The following PPIP5K2 variants were observed in gnomAD, a reference collection of about 807,000 sequenced individuals.
PPIP5K2 encodes inositol hexakisphosphate and diphosphoinositol-pentakisphosphate kinase 2.
PPIP5K2 carries 105 observed loss-of-function variants against 154.6 expected under a neutral mutation model. That is an observed-to-expected ratio of 0.68 (90% confidence interval 0.58 to 0.80). The LOEUF (loss-of-function observed/expected upper bound fraction) is 0.80. PPIP5K2 is among the 30% of genes least tolerant of loss of function. The probability of loss-of-function intolerance (pLI) is 0.00; values close to 1 mark genes in which losing one functional copy is unlikely to be tolerated. For missense variants in PPIP5K2, 992 were observed against 1,504.6 expected, an observed-to-expected ratio of 0.66 and a Z score of 5.64; for synonymous variants, 480 against 490.3, an observed-to-expected ratio of 0.98 and a Z score of 0.28.
At chr5:103,155,803 A>G in intron 13 of PPIP5K2, 106 bp from the exon 14 acceptor site, 12 of 763,902 alleles carry the variant, frequency 1.6e-5, no homozygotes, top group Non-Finnish European at 2.6e-5. Context: ...TTTTGATAGA[A>G]TATTTCGAAG....
chr5:103,189,075 A>C, intron 28 of PPIP5K2: 1 of 921,294 alleles, frequency 1.1e-6, no homozygotes. Flanking sequence ...CATATCATGG[A>C]CTTACCCCTC....
At chr5:103,164,070 GT>G (rs1796762653) in intron 17 of PPIP5K2, among the ~76,000 whole-genome samples, 1 of 151,822 alleles carries the variant, frequency 6.6e-6, no homozygotes, top group South Asian at 2.1e-4. Flanking sequence ...TCCTGTGGGT[GT>G]TTTCTTTGTG....
At chr5:103,146,724 A>G (rs144183370) in intron 6 of PPIP5K2, 43 bp downstream of exon 6, 2 of 1,469,550 alleles carry the variant, frequency 1.4e-6, no homozygotes, top group African/African-American at 1.4e-5. Flanking sequence ...TTCTTTGTAC[A>G]TTGTCGTGTA....
intron 29 of PPIP5K2, among the ~76,000 whole-genome samples, chr5:103,193,140 A>G (rs1286827163): frequency 6.6e-6 from 1 of 152,122 alleles, no homozygotes; most frequent in Admixed American, 6.6e-5. Context: ...GAGGAAATCA[A>G]TAAATTAGTG....
At chr5:103,169,379 G>A (rs1797606218) in intron 19 of PPIP5K2, among the ~76,000 whole-genome samples, 1 of 146,246 alleles carries the variant, frequency 6.8e-6, no homozygotes, top group Non-Finnish European at 1.5e-5. Flanking sequence ...TAAAGATTAT[G>A]AAAAAAAAGT....
intron 28 of PPIP5K2, among the ~76,000 whole-genome samples, chr5:103,188,259 T>C (rs1230850915): frequency 6.6e-6 from 1 of 152,120 alleles, no homozygotes; most frequent in Non-Finnish European, 1.5e-5. Context: ...CACTTACAGA[T>C]TTTTGCTTGT....
chr5:103,165,300 C>T (rs929173961), intron 17 of PPIP5K2, among the ~76,000 whole-genome samples: 38 of 152,014 alleles, frequency 2.5e-4, no homozygotes, highest in Admixed American at 2.5e-3. Context: ...TGCCAGTCCC[C>T]CTCACAGTAA....
chr5:103,160,957 CT>C (rs1204880603), intron 17 of PPIP5K2, among the ~76,000 whole-genome samples: 1,712 of 138,582 alleles, frequency 0.012, 24 homozygotes, highest in African/African-American at 0.04. Flanking sequence ...TCTTTTCATT[CT>C]TTTTTTTTTT....
chr5:103,161,836 G>A (rs1436732636), intron 17 of PPIP5K2, among the ~76,000 whole-genome samples: 2 of 151,256 alleles, frequency 1.3e-5, no homozygotes, highest in Non-Finnish European at 3.0e-5. Context: ...TGAGTTCTTT[G>A]TAGATTCTGG....
At chr5:103,151,008 G>A (rs1234384028) in intron 8 of PPIP5K2, among the ~76,000 whole-genome samples, 1 of 151,584 alleles carries the variant, frequency 6.6e-6, no homozygotes, top group Non-Finnish European at 1.5e-5. Flanking sequence ...AGCCCCTTAT[G>A]CGTTATTGTT....
At chr5:103,198,488 A>G (rs965774549) in intron 30 of PPIP5K2, among the ~76,000 whole-genome samples, 3 of 152,172 alleles carry the variant, frequency 2.0e-5, no homozygotes, top group Non-Finnish European at 4.4e-5. Flanking sequence ...TTGTGCTATC[A>G]GTTGTACAGA....
At chr5:103,195,614 C>T (rs907507612) in intron 30 of PPIP5K2, among the ~76,000 whole-genome samples, 65 of 152,162 alleles carry the variant, frequency 4.3e-4, no homozygotes, top group Admixed American at 3.7e-3. Flanking sequence ...CTGAAATGCT[C>T]TCTTACCCTA....
At chr5:103,120,634 A>G in intron 1 of PPIP5K2, 146 bp downstream of exon 1, 1 of 378,706 alleles carries the variant, frequency 2.6e-6, no homozygotes, top group South Asian at 1.8e-5. Context: ...GGAGAGAATG[A>G]CAGCCTGGGC....
intron 3 of PPIP5K2, among the ~76,000 whole-genome samples, chr5:103,134,808 A>G (rs929059622): frequency 1.4e-4 from 22 of 152,230 alleles, no homozygotes; most frequent in African/African-American, 5.1e-4. Flanking sequence ...GCTTCAAATC[A>G]TAGACATTGA....
chr5:103,176,676 C>T (rs566107899), intron 21 of PPIP5K2, among the ~76,000 whole-genome samples: 1 of 151,998 alleles, frequency 6.6e-6, no homozygotes, highest in East Asian at 1.9e-4. Flanking sequence ...AATGTAATTA[C>T]ATAGTATACA....
At chr5:103,125,688 C>T (rs953978683) in intron 1 of PPIP5K2, among the ~76,000 whole-genome samples, 5 of 152,096 alleles carry the variant, frequency 3.3e-5, no homozygotes, top group African/African-American at 1.2e-4. Flanking sequence ...GGCTGGAGTG[C>T]AGTGGTGCAA....
In PPIP5K2 at chr5:103,129,651, A is replaced by T; in HGVS notation, c.62A>T (p.Tyr21Phe). 6.2e-7 allele frequency: 1 copy of T among 1,609,856 alleles called. No individual in the cohort carries two copies. The highest frequency in any genetic ancestry group is 8.5e-7 in the Non-Finnish European group (1 of 1,178,750). The change falls in exon 2 of 31, where the codon TAT (tyrosine) becomes TTT (phenylalanine). Residue 21 changes from tyrosine (Y) to phenylalanine (F), a missense_variant. This residue lies in a region of PPIP5K2 where 153 missense variants were observed against 200.4 expected (regional missense o/e 0.76). Transcript: ENST00000358359. ...GATACAGAAATAAATCCTGGAAATT[A>T]TCGACATTTCTTCCACCATGCAGAT... Reference protein sequence around the residue: ...PEDTEINPGNYRHFFHHADED... With the variant: ...PEDTEINPGNFRHFFHHADED...
intron 30 of PPIP5K2, among the ~76,000 whole-genome samples, chr5:103,197,116 G>C (rs1802209968): frequency 6.6e-6 from 1 of 152,094 alleles, no homozygotes; most frequent in African/African-American, 2.4e-5. Context: ...TGAAAGATAG[G>C]ATACTGGTCT....
chr5:103,158,547 C>T lies in PPIP5K2; in HGVS notation c.1711C>T (p.Gln571Ter). ...ATATGCCTCTGATGAAGGACGAGTC[C>T]AGATGACTGCAGCTGCTTTTGCAAA... The part of the protein sequence containing the change: ...KIYASDEGRV[Q>*]MTAAAFAKGL... Residue 571 changes from glutamine (Q) to a stop codon, truncating the protein, a stop_gained, in exon 16 of 31, where the codon CAG becomes TAG. Coordinates refer to ENST00000358359, the MANE Select transcript of PPIP5K2 (RefSeq NM_001276277.3). LOFTEE classifies it high-confidence loss of function. 6.2e-7 allele frequency: 1 copy of T among 1,603,630 alleles called. No homozygotes were observed. The highest frequency in any genetic ancestry group is 8.5e-7 in the Non-Finnish European group (1 of 1,176,946).
Sources: allele counts gnomAD v4.1 joint callset (sites outside exome capture counted in the v4.1 genomes callset), GRCh38; gene constraint gnomAD v4.1.1; regional missense constraint gnomAD v4.1.1; transcripts MANE v1.5; gene names NCBI Gene and HGNC (gene_info 2026-07-23, HGNC 2026-07-21).